SCARA5: variants seen among roughly 807,000 people sequenced by gnomAD.
The protein encoded by SCARA5 is scavenger receptor class A, member 5 (putative).
Under a neutral mutation model 46.3 loss-of-function variants are expected in SCARA5, and 45 were observed. The observed-to-expected ratio is 0.97, with a 90% confidence interval of 0.76 to 1.24. The LOEUF is 1.24. Among genes scored for constraint, SCARA5 ranks in the 50% most tolerant of loss-of-function variants. The probability of loss-of-function intolerance (pLI) is 0.00; values close to 1 mark genes in which losing one functional copy is unlikely to be tolerated. For synonymous variants in SCARA5, 333 were observed against 306.5 expected (o/e 1.09, Z -0.90); for missense variants, 680 against 689.0 (o/e 0.99, Z 0.15).
chr8:27,905,830 C>G (rs1807252977), intron 6 of SCARA5, among the ~76,000 whole-genome samples: 1 of 151,464 alleles, frequency 6.6e-6, no homozygotes, highest in South Asian at 2.1e-4. Context: ...CCTGCCTCAG[C>G]TTCCCAAGTA....
intron 2 of SCARA5, among the ~76,000 whole-genome samples, chr8:27,974,661 T>A (rs1343834900): frequency 1.3e-5 from 2 of 151,360 alleles, no homozygotes; most frequent in African/African-American, 2.4e-5. Flanking sequence ...TGGTTACTCA[T>A]CACTCACATT....
rs1210569472 is a variant in SCARA5 at position 27,992,196 on chromosome 8, C to T, written c.-16+61G>A. On this transcript the variant is annotated intron_variant, in intron 1 of 8. Coordinates refer to ENST00000354914, the MANE Select transcript of SCARA5 (RefSeq NM_173833.6). ...TCTCCATCCAGTTCACTCCAGTCTC[C>T]TCCAGCTGTCTTTGAGACAGCATGC... 6 of 152,314 alleles carry T rather than the reference C, an allele frequency of 3.9e-5. No individual in the cohort carries two copies. The East Asian group carries it at 9.6e-4, about 24-fold the overall frequency. The allele number at this position is 152,314 out of a possible 1,614,324, so 9.4% of individuals were successfully genotyped here.
chr8:27,874,326 G>A (rs13259442), intron 8 of SCARA5, among the ~76,000 whole-genome samples: 28,653 of 152,158 alleles, frequency 0.19, 3,050 homozygotes, highest in Middle Eastern at 0.32. Flanking sequence ...GACATCTCTA[G>A]GAAAGTAATT....
rs2726991 is a variant in SCARA5, at chr8:27,909,654, G to A, written c.997+9C>T. 0.61 allele frequency: 933,988 copies of A among 1,531,236 alleles called. 287,907 individuals carry two copies. The highest frequency in any genetic ancestry group is 0.63 in the Non-Finnish European group (715,037 of 1,129,026). 94.9% of individuals were successfully genotyped at this position (1,531,236 alleles called of 1,614,324 possible). On this transcript the variant is annotated intron_variant, in intron 5 of 8. Coordinates refer to ENST00000354914, the MANE Select transcript of SCARA5 (RefSeq NM_173833.6). The stretch of plus-strand genomic sequence containing the variant: ...TCTCCCAGGTACCACCCAGGGGCAC[G>A]CTCATTACCTCGAAGTCCAGGCAAT...
intron 3 of SCARA5, among the ~76,000 whole-genome samples, chr8:27,957,905 G>A (rs749536203): frequency 6.6e-5 from 10 of 152,218 alleles, no homozygotes; most frequent in Non-Finnish European, 1.2e-4. Flanking sequence ...TGAAGGGCCA[G>A]GTAGTAAATA....
chr8:27,878,363 A>G (rs1474915029), intron 8 of SCARA5, among the ~76,000 whole-genome samples: 1 of 152,128 alleles, frequency 6.6e-6, no homozygotes, highest in African/African-American at 2.4e-5. Context: ...CTCACTACTG[A>G]ATGGGTGTGG....
chr8:27,981,915 C>T (rs1439919391), intron 2 of SCARA5, among the ~76,000 whole-genome samples: 2 of 152,242 alleles, frequency 1.3e-5, no homozygotes, highest in Admixed American at 1.3e-4. Context: ...CCCAGCCAGC[C>T]CCTCCCAGGA....
intron 2 of SCARA5, among the ~76,000 whole-genome samples, chr8:27,983,017 C>T (rs1421832562): frequency 6.6e-6 from 1 of 152,142 alleles, no homozygotes; most frequent in Non-Finnish European, 1.5e-5. Context: ...CCCTGGGCAT[C>T]GAGCCCCCAC....
At chr8:27,905,530 GGGA>G (rs1807241918) in intron 6 of SCARA5, among the ~76,000 whole-genome samples, 1 of 88,520 alleles carries the variant, frequency 1.1e-5, no homozygotes, top group Admixed American at 1.3e-4. Flanking sequence ...ATTTGGGGGG[GGGA>G]AAAAAAAAAG....
intron 3 of SCARA5, among the ~76,000 whole-genome samples, chr8:27,954,573 A>G (rs1808178732): frequency 6.6e-6 from 1 of 152,134 alleles, no homozygotes; most frequent in African/African-American, 2.4e-5. Flanking sequence ...CCTTTGTGTT[A>G]ACTGTCTTTT....
chr8:27,898,269 G>A (rs886957179), intron 7 of SCARA5, among the ~76,000 whole-genome samples: 10 of 152,192 alleles, frequency 6.6e-5, no homozygotes, highest in African/African-American at 1.2e-4. Context: ...AGCTCCCATG[G>A]AAGGGGTCAC....
chr8:27,932,677 G>A (rs1356905490), intron 3 of SCARA5, among the ~76,000 whole-genome samples: 1 of 152,180 alleles, frequency 6.6e-6, no homozygotes, highest in South Asian at 2.1e-4. Flanking sequence ...TGCCCAGGCT[G>A]GAGGGCAATG....
At chr8:27,977,177 G>A (rs931975425) in intron 2 of SCARA5, among the ~76,000 whole-genome samples, 1 of 152,108 alleles carries the variant, frequency 6.6e-6, no homozygotes, top group Non-Finnish European at 1.5e-5. Context: ...TCCCACCCAC[G>A]TGGGCTCCAC....
At chr8:27,943,481 T>C (rs1205525937) in intron 3 of SCARA5, among the ~76,000 whole-genome samples, 1 of 152,226 alleles carries the variant, frequency 6.6e-6, no homozygotes, top group Non-Finnish European at 1.5e-5. Context: ...TTCCTGAATG[T>C]GTTTTAGCTT....
At chr8:27,931,963 T>G (rs1386988361) in intron 3 of SCARA5, among the ~76,000 whole-genome samples, 4 of 119,746 alleles carry the variant, frequency 3.3e-5, no homozygotes, top group Admixed American at 9.9e-5. Context: ...CAAAGAACCG[T>G]GCATTTTTAA....
chr8:27,877,834 A>T (rs998528365), intron 8 of SCARA5, among the ~76,000 whole-genome samples: 1 of 152,134 alleles, frequency 6.6e-6, no homozygotes, highest in Non-Finnish European at 1.5e-5. Flanking sequence ...AGATTTCACC[A>T]AGGGTCACTT....
intron 7 of SCARA5, chr8:27,904,510 G>A (rs1160184382): frequency 1.3e-5 from 7 of 554,262 alleles, no homozygotes; most frequent in Non-Finnish European, 1.9e-5. Flanking sequence ...TATACCAGCT[G>A]GGCTAGCGAG....
At chr8:27,906,122 C>T (rs1402132903) in intron 6 of SCARA5, among the ~76,000 whole-genome samples, 1 of 152,150 alleles carries the variant, frequency 6.6e-6, no homozygotes, top group East Asian at 1.9e-4. Flanking sequence ...CATCACTGAC[C>T]AGAAAGTAAA....
chr8:27,906,545 C>T (rs1807264933), intron 6 of SCARA5, among the ~76,000 whole-genome samples: 1 of 152,222 alleles, frequency 6.6e-6, no homozygotes, highest in Non-Finnish European at 1.5e-5. Flanking sequence ...CCTGCAGGCC[C>T]CTTGTTGGCT....
Sources: allele counts gnomAD v4.1 joint callset (sites outside exome capture counted in the v4.1 genomes callset), GRCh38; gene constraint gnomAD v4.1.1; transcripts MANE v1.5; gene names NCBI Gene and HGNC (gene_info 2026-07-23, HGNC 2026-07-21).